Variants in ST6GAL2 observed in about 807,000 individuals in gnomAD.
ST6GAL2 encodes ST6 beta-galactoside alpha-2,6-sialyltransferase 2, also known as beta-galactoside alpha-2,6-sialyltransferase 2.
Under a neutral mutation model 37.5 loss-of-function variants are expected in ST6GAL2, and 24 were observed. The ratio of observed to expected loss-of-function variants is 0.64; its 90% CI spans 0.46 to 0.90. The LOEUF is 0.90. Among genes scored for constraint, ST6GAL2 ranks in the 40% least tolerant of loss-of-function variants. The probability of loss-of-function intolerance (pLI) is 0.00; values close to 1 mark genes in which losing one functional copy is unlikely to be tolerated. For missense variants in ST6GAL2, 715 were observed against 712.7 expected, an observed-to-expected ratio of 1.00 and a Z score of -0.04; for synonymous variants, 306 against 295.1, an observed-to-expected ratio of 1.04 and a Z score of -0.38.
chr2:106,884,934 T>TATACACACAC (rs1425070594), intron 1 of ST6GAL2, among the ~76,000 whole-genome samples: 21 of 120,456 alleles, frequency 1.7e-4, no homozygotes, highest in African/African-American at 7.1e-4. Flanking sequence ...TATATATATA[T>TATACACACAC]ACATACACAC....
chr2:106,845,259 G>A (rs1010993196), intron 1 of ST6GAL2, among the ~76,000 whole-genome samples: 10 of 152,314 alleles, frequency 6.6e-5, no homozygotes, highest in South Asian at 4.1e-4. Flanking sequence ...CAGCTGTGGA[G>A]GGTCTGGAGT....
At chr2:106,856,814 G>A (rs1677593925) in intron 1 of ST6GAL2, among the ~76,000 whole-genome samples, 1 of 152,084 alleles carries the variant, frequency 6.6e-6, no homozygotes, top group South Asian at 2.1e-4. Context: ...AAATAACCAA[G>A]AAAAAATGCA....
rs1197194748 is a variant in ST6GAL2, at chr2:106,821,485, C to A, written c.1318+8581G>T. Reference sequence around the variant, plus strand: ...GATTGAGTTATAAAGAAATCCAAAACCTGAACAGACCAGTAACAATTAATG... The same window carrying A: ...GATTGAGTTATAAAGAAATCCAAAAACTGAACAGACCAGTAACAATTAATG... On this transcript the variant is annotated intron_variant, in intron 5 of 5. Transcript: ENST00000409382. Among the ~76,000 whole-genome samples, 13 of 151,624 alleles carry A rather than the reference C, an allele frequency of 8.6e-5. 1 individual carries two copies. In the South Asian group the frequency reaches 2.7e-3, roughly 31 times the overall value.
Position 106,874,965 on chromosome 2 carries a change from C to G in ST6GAL2, c.-58+11128G>C, listed in dbSNP as rs145129369. Among the ~76,000 whole-genome samples, 223 of 152,270 alleles carry G rather than the reference C, an allele frequency of 1.5e-3. 1 individual carries two copies. Among genetic ancestry groups the G allele is most frequent in the African/African-American group, 4.8e-3 (201 of 41,566 alleles). On this transcript the variant is annotated intron_variant, in intron 1 of 5. Coordinates refer to ENST00000409382, the MANE Select transcript of ST6GAL2 (RefSeq NM_001142351.2). The stretch of plus-strand genomic sequence containing the variant: ...TGGCTGCCAAATATGCAGCTCCATA[C>G]CAAATGGTACCATTTACATCTGGCT...
At chr2:106,826,056 A>C (rs1008743120) in intron 5 of ST6GAL2, among the ~76,000 whole-genome samples, 3 of 152,218 alleles carry the variant, frequency 2.0e-5, no homozygotes, top group Admixed American at 6.5e-5. Context: ...TGTTCAAAAG[A>C]GTCAACTTTT....
rs575847092 is a variant in ST6GAL2 at position 106,877,463 on chromosome 2, T to C, written c.-58+8630A>G. ...TCACTCGCCCAAGCGTCTGAACACA[T>C]CAGCACCTATGAGCTTCTTTTGGTA... On this transcript the variant is annotated intron_variant, in intron 1 of 5. Coordinates refer to ENST00000409382, the MANE Select transcript of ST6GAL2 (RefSeq NM_001142351.2). 5.3e-5 allele frequency among the ~76,000 whole-genome samples: 8 copies of C among 152,362 alleles called. No individual in the cohort carries two copies. The South Asian group carries it at 1.4e-3, about 28-fold the overall frequency.
At chr2:106,869,499 G>A (rs1332627947) in intron 1 of ST6GAL2, among the ~76,000 whole-genome samples, 2 of 152,148 alleles carry the variant, frequency 1.3e-5, no homozygotes, top group Non-Finnish European at 2.9e-5. Context: ...ATTTGGAAAT[G>A]GGGCAAAGAG....
chr2:106,832,576 T>C lies in ST6GAL2; in HGVS notation c.1132A>G (p.Asn378Asp). 6.3e-7 allele frequency: 1 copy of C among 1,579,676 alleles called. No homozygotes were observed. Among genetic ancestry groups the C allele is most frequent in the South Asian group, 1.2e-5 (1 of 86,208 alleles). The change falls in exon 4 of 6, where the codon AAT becomes GAT. Residue 378 changes from asparagine (N) to aspartate (D), a missense_variant. Asn to Asp is a conservative substitution (Grantham distance 23, BLOSUM62 1). Transcript: ENST00000409382. ...VAWDPAPYSA[N>D]LNLWYKKPDY... ...AGGGAAACACTTACCAGGTTAAGAT[T>C]TGCGGAATATGGGGCAGGGTCCCAG... is the stretch of plus-strand genomic sequence containing the variant.
intron 1 of ST6GAL2, among the ~76,000 whole-genome samples, chr2:106,876,296 T>C (rs1678500208): frequency 6.6e-6 from 1 of 152,214 alleles, no homozygotes; most frequent in African/African-American, 2.4e-5. Context: ...GGTTATAGTC[T>C]ACTGAAGGAA....
At chr2:106,884,028 C>A (rs1678857948) in intron 1 of ST6GAL2, among the ~76,000 whole-genome samples, 1 of 151,958 alleles carries the variant, frequency 6.6e-6, no homozygotes, top group Non-Finnish European at 1.5e-5. Flanking sequence ...TGGATAAATT[C>A]TAAACCTGGA....
At chr2:106,857,575 G>C (rs1677627085) in intron 1 of ST6GAL2, among the ~76,000 whole-genome samples, 1 of 152,128 alleles carries the variant, frequency 6.6e-6, no homozygotes, top group South Asian at 2.1e-4. Flanking sequence ...CTGCACTCCA[G>C]CCTGGGCAAC....
At chr2:106,820,455 C>G (rs184775819) in intron 5 of ST6GAL2, among the ~76,000 whole-genome samples, 1 of 151,966 alleles carries the variant, frequency 6.6e-6, no homozygotes, top group Admixed American at 6.6e-5. Flanking sequence ...ATTTTGGACC[C>G]AACACTGGAG....
At chr2:106,852,668 G>A (rs754681514) in intron 1 of ST6GAL2, among the ~76,000 whole-genome samples, 4 of 152,198 alleles carry the variant, frequency 2.6e-5, no homozygotes, top group Non-Finnish European at 4.4e-5. Flanking sequence ...AGGGGCTGTT[G>A]GTTGGTTCAG....
At chr2:106,827,986 C>G (rs1156936488) in intron 5 of ST6GAL2, among the ~76,000 whole-genome samples, 1 of 152,200 alleles carries the variant, frequency 6.6e-6, no homozygotes, top group Non-Finnish European at 1.5e-5. Flanking sequence ...TTGCATCAAA[C>G]TGCAGCCCCT....
chr2:106,840,045 AG>A (rs1676812011), intron 2 of ST6GAL2, among the ~76,000 whole-genome samples: 1 of 152,148 alleles, frequency 6.6e-6, no homozygotes, highest in South Asian at 2.1e-4. Flanking sequence ...GGGGAGCGAA[AG>A]GGCAGCCAGT....
At chr2:106,822,678 T>C (rs1318818883) in intron 5 of ST6GAL2, among the ~76,000 whole-genome samples, 3 of 151,954 alleles carry the variant, frequency 2.0e-5, no homozygotes, top group Non-Finnish European at 4.4e-5. Context: ...AAAAGACCCA[T>C]TCAATAGAAT....
In ST6GAL2 at chr2:106,844,035, C is replaced by G; in HGVS notation, c.-57-1G>C. ...AATGCAGATGGGTGGCAGAATGAAC[C>G]TGAAAAACAGCCAGATGGCAGTTAG... is the stretch of plus-strand genomic sequence containing the variant. On this transcript the variant is annotated splice_acceptor_variant, in intron 1 of 5. Coordinates refer to ENST00000409382, the MANE Select transcript of ST6GAL2 (RefSeq NM_001142351.2). LOFTEE classifies it low-confidence loss of function (5UTR_SPLICE). 7.0e-7 allele frequency: 1 copy of G among 1,428,986 alleles called. No homozygotes were observed. Among genetic ancestry groups the G allele is most frequent in the Non-Finnish European group, 9.4e-7 (1 of 1,062,412 alleles). 88.5% of individuals were successfully genotyped at this position (1,428,986 alleles called of 1,614,324 possible). A position where few individuals can be genotyped will look rare whatever the true frequency, so the allele number is the denominator to read the frequency against.
chr2:106,848,469 GA>G (rs1677232942), intron 1 of ST6GAL2, among the ~76,000 whole-genome samples: 1 of 152,212 alleles, frequency 6.6e-6, no homozygotes, highest in Admixed American at 6.5e-5. Flanking sequence ...ATTTGCTCCA[GA>G]AAATGTTTTT....
intron 1 of ST6GAL2, among the ~76,000 whole-genome samples, chr2:106,849,062 A>C (rs1028561251): frequency 2.0e-5 from 3 of 152,112 alleles, no homozygotes; most frequent in African/African-American, 4.8e-5. Context: ...CGAAACTTTA[A>C]CTTCTCCGTT....
Sources: gnomAD v4.1 joint callset for allele counts (sites outside exome capture counted in the v4.1 genomes callset) on GRCh38, gnomAD v4.1.1 for gene constraint, MANE v1.5 for transcripts, NCBI Gene and HGNC (gene_info 2026-07-23, HGNC 2026-07-21) for gene names.